BICRA: variants seen among roughly 807,000 people sequenced by gnomAD.
BICRA encodes BRD4-interacting chromatin-remodeling complex-associated protein.
A neutral mutation model predicts 96.9 loss-of-function variants in BICRA; 31 were observed. That is an observed-to-expected ratio of 0.32 (90% confidence interval 0.24 to 0.43). BICRA has a LOEUF of 0.43. Among genes scored for constraint, BICRA ranks in the 20% least tolerant of loss-of-function variants. The probability of loss-of-function intolerance (pLI) is 1.00; values close to 1 mark genes in which losing one functional copy is unlikely to be tolerated. For missense variants in BICRA, 2,283 were observed against 2,190.3 expected, an observed-to-expected ratio of 1.04 and a Z score of -0.84; for synonymous variants, 1,350 against 1,071.8, an observed-to-expected ratio of 1.26 and a Z score of -5.07.
At chr19:47,685,509 G>A (rs962670572) in intron 7 of BICRA, among the ~76,000 whole-genome samples, 1 of 152,212 alleles carries the variant, frequency 6.6e-6, no homozygotes, top group Non-Finnish European at 1.5e-5. Flanking sequence ...CGGATGGATG[G>A]CATGGGTGGG....
intron 1 of BICRA, among the ~76,000 whole-genome samples, chr19:47,647,797 C>G (rs1359631495): frequency 6.6e-6 from 1 of 151,946 alleles, no homozygotes; most frequent in Non-Finnish European, 1.5e-5. Flanking sequence ...TAGTGAAGAC[C>G]CTGCTATGTC....
rs892297931 is a variant in BICRA at position 47,667,208 on chromosome 19, C to T, written c.-107-3235C>T. Among the ~76,000 whole-genome samples the T allele has an allele frequency of 4.6e-5, 7 of 152,154 alleles. No homozygotes were observed. The South Asian group carries it at 8.3e-4, about 18-fold the overall frequency. The stretch of plus-strand genomic sequence containing the variant: ...TCATTTTTTGTATTTTTAGTAGAGA[C>T]GGGGTTTCACCATTCACACAATGGT... On this transcript the variant is annotated intron_variant, in intron 1 of 14. Transcript: ENST00000594866.
intron 1 of BICRA, among the ~76,000 whole-genome samples, chr19:47,629,062 C>T (rs1972181229): frequency 6.6e-6 from 1 of 151,940 alleles, no homozygotes; most frequent in Admixed American, 6.6e-5. Context: ...AGTGCAGTGG[C>T]ACAATCTCGG....
intron 1 of BICRA, among the ~76,000 whole-genome samples, chr19:47,627,508 C>G (rs116056519): frequency 1.5e-4 from 23 of 152,106 alleles, no homozygotes; most frequent in African/African-American, 5.6e-4. Flanking sequence ...TGATGTGGGA[C>G]CCCCCAGCAA....
In BICRA at chr19:47,679,337, C is replaced by T. The variant is rs1972990114; in HGVS notation, c.167C>T (p.Ala56Val). ...GGCCTGCAGCTCCATGTGCAAGAAG[C>T]TTCCGGCAACCACCTGAACCCAGAG... Reference protein sequence around the residue: ...YEGPGLHVQEASGNHLNPEPN... With the variant: ...YEGPGLHVQEVSGNHLNPEPN... Residue 56 changes from alanine to valine, a missense_variant, in exon 6 of 15, where the codon GCT becomes GTT. Physicochemically the swap from Ala to Val is moderately conservative, Grantham distance 64 (BLOSUM62 0). Coordinates refer to ENST00000594866, the MANE Select transcript of BICRA (RefSeq NM_001394372.1). The T allele has an allele frequency of 7.0e-7, 1 of 1,427,348 alleles. No individual in the cohort carries two copies. Among genetic ancestry groups the T allele is most frequent in the South Asian group, 1.6e-5 (1 of 63,898 alleles). The allele number at this position is 1,427,348 out of a possible 1,614,324, so 88.4% of individuals were successfully genotyped here.
At chr19:47,641,630 C>T (rs1299896926) in intron 1 of BICRA, among the ~76,000 whole-genome samples, 2 of 152,036 alleles carry the variant, frequency 1.3e-5, no homozygotes, top group Admixed American at 1.3e-4. Context: ...CAGACCGACA[C>T]CCCATTTCAA....
In BICRA at chr19:47,701,837, G is replaced by A; in HGVS notation, c.4105G>A (p.Ala1369Thr). The A allele has an allele frequency of 6.6e-7, 1 of 1,520,926 alleles. No homozygotes were observed. Among genetic ancestry groups the A allele is most frequent in the South Asian group, 1.2e-5 (1 of 82,998 alleles). 94.2% of individuals were successfully genotyped at this position (1,520,926 alleles called of 1,614,324 possible). ...CGGCACGGTGGACCACCCGCCGCCT[G>A]CCGCCCCCGAGCGCAAGCCCCTGGG... ...MNGTVDHPPP[A>T]APERKPLGTA... The change falls in exon 15 of 15, where the codon GCC (alanine) becomes ACC (threonine). Residue 1369 changes from alanine to threonine, a missense_variant. Coordinates refer to ENST00000594866, the MANE Select transcript of BICRA (RefSeq NM_001394372.1). The surrounding 1 kb of genome is among the most constrained non-coding windows in gnomAD (Gnocchi z 5.4).
chr19:47,633,630 C>T (rs1464221722), intron 1 of BICRA, among the ~76,000 whole-genome samples: 2 of 152,172 alleles, frequency 1.3e-5, no homozygotes, highest in African/African-American at 4.8e-5. Context: ...GATGGGAAGC[C>T]AGGTTCCTCT....
rs960713365 is a variant in BICRA, at chr19:47,675,195, T to G, written c.85-656T>G. Among the ~76,000 whole-genome samples the G allele has an allele frequency of 2.0e-5, 3 of 152,052 alleles. No homozygotes were observed. Among genetic ancestry groups the G allele is most frequent in the African/African-American group, 4.8e-5 (2 of 41,396 alleles). On this transcript the variant is annotated intron_variant, in intron 4 of 14. Coordinates refer to ENST00000594866, the MANE Select transcript of BICRA (RefSeq NM_001394372.1). The surrounding 1 kb of genome is among the most constrained non-coding windows in gnomAD (Gnocchi z 4.7). ...TGGTGCCATTTTCTGAAGTTGGGAA[T>G]TTGGGGAAGATTCCAGAAGTCCAGG...
intron 1 of BICRA, among the ~76,000 whole-genome samples, chr19:47,666,173 G>A (rs1199088888): frequency 6.6e-6 from 1 of 152,218 alleles, no homozygotes. Flanking sequence ...CTGGGAACGG[G>A]AAGTGGCAGC....
At chr19:47,611,669 T>C (rs1051121616) in intron 1 of BICRA, among the ~76,000 whole-genome samples, 1 of 152,214 alleles carries the variant, frequency 6.6e-6, no homozygotes, top group Non-Finnish European at 1.5e-5. Flanking sequence ...CCTGTTCTCC[T>C]TGGCATGATC....
At chr19:47,651,204 C>G (rs1367814685) in intron 1 of BICRA, among the ~76,000 whole-genome samples, 2 of 152,196 alleles carry the variant, frequency 1.3e-5, no homozygotes, top group African/African-American at 4.8e-5. Context: ...CCTGCCCTGT[C>G]CGGAGCCCTC....
intron 1 of BICRA, among the ~76,000 whole-genome samples, chr19:47,640,879 C>G (rs887454941): frequency 1.4e-5 from 2 of 146,130 alleles, no homozygotes; most frequent in African/African-American, 2.5e-5. Flanking sequence ...ACTGGGTAGT[C>G]TGGAGTCAGA....
At chr19:47,611,325 T>G (rs1489695024) in intron 1 of BICRA, among the ~76,000 whole-genome samples, 1 of 152,134 alleles carries the variant, frequency 6.6e-6, no homozygotes, top group East Asian at 1.9e-4. Flanking sequence ...ACCTCGAAGT[T>G]GGGCTGAGGG....
In BICRA at chr19:47,673,455, A is replaced by C. The variant is rs1972895658; in HGVS notation, c.-5-115A>C. On this transcript the variant is annotated intron_variant, in intron 2 of 14. Transcript: ENST00000594866. Reference sequence around the variant, plus strand: ...GTCCCCATCTATCCCCATGGACTCAAGGGAACAGAAACTCTGACCCCCTCC... The same window carrying C: ...GTCCCCATCTATCCCCATGGACTCACGGGAACAGAAACTCTGACCCCCTCC... The C allele has an allele frequency of 3.8e-6, 3 of 787,358 alleles. No individual in the cohort carries two copies. In the South Asian group the frequency reaches 4.5e-5, roughly 12 times the overall value. 48.8% of individuals were successfully genotyped at this position (787,358 alleles called of 1,614,324 possible).
At chr19:47,684,230 T>C (rs1397599509) in intron 7 of BICRA, among the ~76,000 whole-genome samples, 1 of 152,198 alleles carries the variant, frequency 6.6e-6, no homozygotes, top group Non-Finnish European at 1.5e-5. Context: ...TCGCCTAGGC[T>C]GCAGTGCAGT....
intron 1 of BICRA, among the ~76,000 whole-genome samples, chr19:47,611,940 G>A (rs1352366499): frequency 6.6e-6 from 1 of 150,992 alleles, no homozygotes; most frequent in Non-Finnish European, 1.5e-5. Flanking sequence ...GCCTGATCTT[G>A]GTTCACTGCA....
chr19:47,691,818 C>A (rs529962398), intron 7 of BICRA, among the ~76,000 whole-genome samples: 1 of 152,154 alleles, frequency 6.6e-6, no homozygotes, highest in South Asian at 2.1e-4. Context: ...GCCTTGGCCT[C>A]CCAAAGTGCT....
Position 47,680,491 on chromosome 19 carries a change from G to T in BICRA, c.1321G>T (p.Gly441Trp). 6.5e-7 allele frequency: 1 copy of T among 1,542,288 alleles called. No homozygotes were observed. Reference sequence around the variant, plus strand: ...CGGAGCGGCCCCGCCGCAGCCCCCCGGGGCCCTGAGCAAACCCATGAGCGT... The same window carrying T: ...CGGAGCGGCCCCGCCGCAGCCCCCCTGGGCCCTGAGCAAACCCATGAGCGT... ...TTGAAPPQPP[G>W]ALSKPMSVHL... The change falls in exon 6 of 15, where the codon GGG (glycine) becomes TGG (tryptophan). Residue 441 changes from glycine to tryptophan, a missense_variant. Gly to Trp is a radical substitution (Grantham distance 184, BLOSUM62 -2). Transcript: ENST00000594866.
Sources: allele counts gnomAD v4.1 joint callset (sites outside exome capture counted in the v4.1 genomes callset), GRCh38; gene constraint gnomAD v4.1.1; non-coding constraint Gnocchi (gnomAD v3.1); transcripts MANE v1.5; gene names NCBI Gene and HGNC (gene_info 2026-07-23, HGNC 2026-07-21).